MNT: variants seen among roughly 807,000 people sequenced by gnomAD.
MNT encodes the protein max-binding protein MNT.
In MNT, 13 loss-of-function variants were observed where a neutral mutation model predicts 40.7. The observed-to-expected ratio is 0.32, with a 90% CI of 0.21 to 0.51. The LOEUF is 0.51. MNT is among the 20% of genes least tolerant of loss of function. MNT has a pLI of 0.98. For missense variants in MNT, 757 were observed against 792.0 expected (o/e 0.96, Z 0.53); for synonymous variants, 426 against 354.8 (o/e 1.20, Z -2.26).
At chr17:2,392,805 G>GC (rs57142585) in intron 4 of MNT, 13,468 of 151,854 alleles carry the variant, frequency 0.089, 778 homozygotes, top group African/African-American at 0.16. Flanking sequence ...GCCCGGCCCC[G>GC]CCCCTCCCGG....
At chr17:2,400,014 A>C (rs980788824) in intron 1 of MNT, among the ~76,000 whole-genome samples, 1 of 152,192 alleles carries the variant, frequency 6.6e-6, no homozygotes, top group Non-Finnish European at 1.5e-5. Context: ...GGCCAGGATC[A>C]TAAGACACGC....
chr17:2,388,774 C>CA (rs1209872082), intron 4 of MNT, among the ~76,000 whole-genome samples: 2 of 152,196 alleles, frequency 1.3e-5, no homozygotes, highest in Non-Finnish European at 1.5e-5. Flanking sequence ...CCTCCACACT[C>CA]AGTCTTTCCC....
In MNT at chr17:2,387,669, G is replaced by C; in HGVS notation, c.1001-20C>G. On this transcript the variant is annotated intron_variant, in intron 5 of 5. Transcript: ENST00000174618. ...CACCCTCTGTGGGGAACATGGGGCA[G>C]GGAGCAGGTCAGAAGGGCGGGGAAG... 9 of 1,613,572 alleles carry C rather than the reference G, an allele frequency of 5.6e-6. No individual in the cohort carries two copies. Among genetic ancestry groups the C allele is most frequent in the Non-Finnish European group, 7.6e-6 (9 of 1,179,866 alleles).
At position 2,387,266 on chromosome 17, in the gene MNT, G is replaced by A; in HGVS notation, c.1384C>T (p.Pro462Ser). Residue 462 changes from proline to serine, a missense_variant, in exon 6 of 6, where the codon CCA becomes TCA. Pro to Ser is a moderately conservative substitution (Grantham distance 74, BLOSUM62 -1). Around this residue, in one of 4 missense-constraint regions of MNT, gnomAD observed 345 missense variants for 380.1 expected, o/e 0.91. Transcript: ENST00000174618. Reference sequence around the variant, plus strand: ...ATGTGGGCGATGTGCTTGCCGCCTGGCCCCTGCAGAACGTGGTTCACAGTC... The same window carrying A: ...ATGTGGGCGATGTGCTTGCCGCCTGACCCCTGCAGAACGTGGTTCACAGTC... ...IQTVNHVLQG[P>S]GGKHIAHIAP... The A allele has an allele frequency of 6.2e-7, 1 of 1,613,220 alleles. No individual in the cohort carries two copies. Among genetic ancestry groups the A allele is most frequent in the Non-Finnish European group, 8.5e-7 (1 of 1,179,690 alleles).
chr17:2,395,475 G>A, intron 1 of MNT, 21 bp from the exon 2 acceptor site: 4 of 1,608,820 alleles, frequency 2.5e-6, no homozygotes, highest in Non-Finnish European at 3.4e-6. Flanking sequence ...AGAACACAAG[G>A]GGGGGAGGGT....
rs1452836835 is a variant in MNT at position 2,384,937 on chromosome 17, G to C, written c.*1964C>G. 1 of 152,578 alleles carries C rather than the reference G, an allele frequency of 6.6e-6. No homozygotes were observed. Among genetic ancestry groups the C allele is most frequent in the Non-Finnish European group, 1.5e-5 (1 of 68,146 alleles). The allele number at this position is 152,578 out of a possible 1,614,324, so 9.5% of individuals were successfully genotyped here. On this transcript the variant is annotated 3_prime_UTR_variant, in exon 6 of 6. Transcript: ENST00000174618. ...GGGGCCACTGGCCTCAGGATGCAGG[G>C]AGAGGTGGGCAGGCTGAGGGGAGGG... is the stretch of plus-strand genomic sequence containing the variant.
chr17:2,387,125 G>C lies in MNT; in HGVS notation c.1525C>G (p.Pro509Ala). ...ACTGCCACGGGCTGCGGGTACAAGG[G>C]CAGCTGGGAGCCCAGGTGGGCCACA... Reference protein sequence around the residue: ...NHVAHLGSQLPLYPQPVAVSH... With the variant: ...NHVAHLGSQLALYPQPVAVSH... The change falls in exon 6 of 6, where the codon CCC becomes GCC. Residue 509 changes from proline to alanine, a missense_variant. Physicochemically the swap from Pro to Ala is conservative, Grantham distance 27. This residue lies in a region of MNT where 345 missense variants were observed against 380.1 expected (regional missense o/e 0.91). Coordinates refer to ENST00000174618, the MANE Select transcript of MNT (RefSeq NM_020310.3). 1.3e-6 allele frequency: 2 copies of C among 1,591,052 alleles called. No homozygotes were observed. The highest frequency in any genetic ancestry group is 1.7e-6 in the Non-Finnish European group (2 of 1,169,840).
At position 2,384,252 on chromosome 17, in the gene MNT, T is replaced by C. The variant is rs75772542; in HGVS notation, c.*2649A>G. On this transcript the variant is annotated 3_prime_UTR_variant, in exon 6 of 6. Transcript: ENST00000174618. ...AGGGTTTTTGTAGTTTTTTTTTTTTTCCACACAGCAGATGTATCCAAACAC... is the reference window on the plus strand; with the variant it reads ...AGGGTTTTTGTAGTTTTTTTTTTTTCCCACACAGCAGATGTATCCAAACAC... 3.9e-5 allele frequency: 6 copies of C among 152,292 alleles called. No homozygotes were observed. Among genetic ancestry groups the C allele is most frequent in the Admixed American group, 6.6e-5 (1 of 15,260 alleles). 9.4% of individuals were successfully genotyped at this position (152,292 alleles called of 1,614,324 possible). A position where few individuals can be genotyped will look rare whatever the true frequency, so the allele number is the denominator to read the frequency against.
Position 2,386,393 on chromosome 17 carries a change from C to G in MNT, c.*508G>C, listed in dbSNP as rs1022319132. 1 of 155,564 alleles carries G rather than the reference C, an allele frequency of 6.4e-6. No homozygotes were observed. Among genetic ancestry groups the G allele is most frequent in the South Asian group, 2.0e-4 (1 of 4,914 alleles). 9.6% of individuals were successfully genotyped at this position (155,564 alleles called of 1,614,324 possible). A position where few individuals can be genotyped will look rare whatever the true frequency, so the allele number is the denominator to read the frequency against. ...GTCACCTGTGCTCAGAGCAAGGCCCCTTATCACCCCAATCCGCAGCTTTCT... is the reference window on the plus strand; with the variant it reads ...GTCACCTGTGCTCAGAGCAAGGCCCGTTATCACCCCAATCCGCAGCTTTCT... On this transcript the variant is annotated 3_prime_UTR_variant, in exon 6 of 6. Coordinates refer to ENST00000174618, the MANE Select transcript of MNT (RefSeq NM_020310.3).
rs915188088 is a variant in MNT, at chr17:2,387,132, G to A, written c.1518C>T (p.Ser506=). The change falls in exon 6 of 6, where the codon TCC becomes TCT. Residue 506 remains serine, a synonymous_variant. Transcript: ENST00000174618. ...ATLNHVAHLG[S]QLPLYPQPVA... The stretch of plus-strand genomic sequence containing the variant: ...CGGGCTGCGGGTACAAGGGCAGCTG[G>A]GAGCCCAGGTGGGCCACATGGTTGA... The A allele has an allele frequency of 4.4e-6, 7 of 1,593,902 alleles. No homozygotes were observed. The highest frequency in any genetic ancestry group is 6.0e-6 in the Non-Finnish European group (7 of 1,171,390).
Position 2,400,689 on chromosome 17 carries a change from C to T in MNT, c.24G>A (p.Glu8=). ...CTTGCCATTCCAGGAAGCGGGCCGC[C>T]TCCAGTAGCGTCTCTATGCTCATCG... The part of the protein sequence containing the change: MSIETLL[E]AARFLEWQAQ... Residue 8 remains glutamate, a synonymous_variant, in exon 1 of 6, where the codon GAG becomes GAA. Coordinates refer to ENST00000174618, the MANE Select transcript of MNT (RefSeq NM_020310.3). 2.5e-6 allele frequency: 4 copies of T among 1,587,942 alleles called. No homozygotes were observed. Among genetic ancestry groups the T allele is most frequent in the Non-Finnish European group, 3.4e-6 (4 of 1,170,752 alleles).
At position 2,400,689 on chromosome 17, in the gene MNT, CT is replaced by C; in HGVS notation, c.23del (p.Glu8GlyfsTer79). The C allele has an allele frequency of 6.3e-7, 1 of 1,587,942 alleles. No individual in the cohort carries two copies. Among genetic ancestry groups the C allele is most frequent in the Admixed American group, 1.7e-5 (1 of 57,432 alleles). On this transcript the variant is annotated frameshift_variant, in exon 1 of 6. Transcript: ENST00000174618. LOFTEE classifies it high-confidence loss of function. MSIETLL[E>X]AARFLEWQAQ... ...CTTGCCATTCCAGGAAGCGGGCCGCCTCCAGTAGCGTCTCTATGCTCATCGC... is the reference window on the plus strand; with the variant it reads ...CTTGCCATTCCAGGAAGCGGGCCGCCCCAGTAGCGTCTCTATGCTCATCGC...
chr17:2,387,306 G>A lies in MNT; in HGVS notation c.1344C>T (p.His448=), dbSNP rs201823404. 1.9e-5 allele frequency: 31 copies of A among 1,613,432 alleles called. No homozygotes were observed. In the Admixed American group the frequency reaches 2.0e-4, roughly 10 times the overall value. Reference sequence around the variant, plus strand: ...GGTTCACAGTCTGGATGACTGAAGCGTGAGTGGTGGCTGTGTGGGCGATGA... The same window carrying A: ...GGTTCACAGTCTGGATGACTGAAGCATGAGTGGTGGCTGTGTGGGCGATGA... ...STVIAHTATT[H]ASVIQTVNHV... is the part of the protein sequence containing the mutation. The change falls in exon 6 of 6, where the codon CAC becomes CAT. Residue 448 remains histidine (H), a synonymous_variant. Transcript: ENST00000174618.
chr17:2,400,473 C>T, intron 1 of MNT, 167 bp downstream of exon 1: 1 of 555,928 alleles, frequency 1.8e-6, no homozygotes, highest in Non-Finnish European at 3.1e-6. Context: ...AATTTCACTG[C>T]CCACATCACC....
chr17:2,397,742 C>T (rs559425123), intron 1 of MNT, among the ~76,000 whole-genome samples: 2 of 152,288 alleles, frequency 1.3e-5, no homozygotes, highest in Non-Finnish European at 2.9e-5. Flanking sequence ...GCTTCCTGTC[C>T]CTTCCCACCC....
chr17:2,389,622 T>C (rs62067044), intron 4 of MNT: 12,800 of 152,434 alleles, frequency 0.084, 716 homozygotes, highest in African/African-American at 0.15. Flanking sequence ...CCCCTGGTTC[T>C]TGCCTTTCTT....
At chr17:2,387,734 A>G (rs567686301) in intron 5 of MNT, 85 bp from the exon 6 acceptor site, 118 of 1,570,476 alleles carry the variant, frequency 7.5e-5, no homozygotes, top group Middle Eastern at 3.4e-4. Context: ...GGGCGTGGGA[A>G]TGTGATGGGG....
rs749634625 is a variant in MNT at position 2,387,225 on chromosome 17, G to A, written c.1425C>T (p.Pro475=). 6 of 1,611,020 alleles carry A rather than the reference G, an allele frequency of 3.7e-6. No homozygotes were observed. The South Asian group carries it at 6.6e-5, about 18-fold the overall frequency. Residue 475 remains proline, a synonymous_variant, in exon 6 of 6, where the codon CCC becomes CCT. Transcript: ENST00000174618. The stretch of plus-strand genomic sequence containing the variant: ...CAGGCGCCAGTTGCACCGCAGGGCT[G>A]GGGGCCGAGGGGGCGATGTGGGCGA... ...KHIAHIAPSA[P]SPAVQLAPAT...
At chr17:2,400,410 G>A in intron 1 of MNT, 1 of 442,708 alleles carries the variant, frequency 2.3e-6, no homozygotes, top group Non-Finnish European at 4.0e-6. Context: ...CGCAGCCGGG[G>A]TGGCGCCCGC....
Sources: allele counts gnomAD v4.1 joint callset (sites outside exome capture counted in the v4.1 genomes callset), GRCh38; gene constraint gnomAD v4.1.1; regional missense constraint gnomAD v4.1.1; transcripts MANE v1.5; gene names NCBI Gene and HGNC (gene_info 2026-07-23, HGNC 2026-07-21).